The following PCDHGA7 variants were observed in gnomAD, a reference collection of about 807,000 sequenced individuals.
PCDHGA7 encodes the protein protocadherin gamma subfamily A, 7.
A neutral mutation model predicts 58.3 loss-of-function variants in PCDHGA7; 44 were observed. That is an observed-to-expected ratio of 0.75 (90% CI 0.59 to 0.97). The LOEUF is 0.97. Ranked by LOEUF, PCDHGA7 falls within the 50% of genes least tolerant of loss-of-function variation. The probability of loss-of-function intolerance (pLI) is 0.00; values close to 1 mark genes in which losing one functional copy is unlikely to be tolerated. For missense variants in PCDHGA7, 1,266 were observed against 1,188.7 expected (o/e 1.06, Z -0.96); for synonymous variants, 516 against 504.2 (o/e 1.02, Z -0.31).
At chr5:141,400,250 C>T (rs2093990136) in intron 1 of PCDHGA7, 1 of 1,614,066 alleles carries the variant, frequency 6.2e-7, no homozygotes, top group Non-Finnish European at 8.5e-7. Flanking sequence ...CTGGCCGTTG[C>T]CTTGCGCCTG....
chr5:141,501,335 C>CA (rs2099808433), intron 2 of PCDHGA7, among the ~76,000 whole-genome samples: 1 of 135,634 alleles, frequency 7.4e-6, no homozygotes, highest in Non-Finnish European at 1.6e-5. Context: ...ACACACACAC[C>CA]CCAAACTCAA....
At position 141,432,458 on chromosome 5, in the gene PCDHGA7, C is replaced by T. The variant is rs1368524835; in HGVS notation, c.2424+47135C>T. 1.9e-6 allele frequency: 3 copies of T among 1,614,136 alleles called. No individual in the cohort carries two copies. The highest frequency in any genetic ancestry group is 8.5e-7 in the Non-Finnish European group (1 of 1,180,066). ...TGCGCCCGAGATCCTGTACCCCGCC[C>T]TCCCCACGGACGGTTCCACTGGCGT... On this transcript the variant is annotated intron_variant, in intron 1 of 3. Transcript: ENST00000518325. This position sits in a 1 kb window ranked among gnomAD's most constrained non-coding sequence, Gnocchi z 6.0.
chr5:141,394,001 G>A (rs766773377), intron 1 of PCDHGA7: 4 of 1,613,340 alleles, frequency 2.5e-6, no homozygotes, highest in Admixed American at 1.7e-5. Context: ...AATTAGAAAA[G>A]TCAATAGGTA....
intron 1 of PCDHGA7, chr5:141,423,369 A>C: frequency 1.9e-6 from 3 of 1,614,104 alleles, no homozygotes; most frequent in Non-Finnish European, 2.5e-6. Flanking sequence ...TGCTGCTGGC[A>C]CTCAGGCTGT....
At position 141,477,910 on chromosome 5, in the gene PCDHGA7, G is replaced by C. The variant is rs766164142; in HGVS notation, c.2425-16897G>C. ...TGTCACGGGTGGTAGGCTGGGACGC[G>C]GATGCAGGGCACAATGCCTGGCTCT... On this transcript the variant is annotated intron_variant, in intron 1 of 3. Coordinates refer to ENST00000518325, the MANE Select transcript of PCDHGA7 (RefSeq NM_018920.4). This position sits in a 1 kb window ranked among gnomAD's most constrained non-coding sequence, Gnocchi z 4.9. 3 of 1,614,168 alleles carry C rather than the reference G, an allele frequency of 1.9e-6. No homozygotes were observed. Among genetic ancestry groups the C allele is most frequent in the Non-Finnish European group, 2.5e-6 (3 of 1,180,032 alleles).
intron 1 of PCDHGA7, among the ~76,000 whole-genome samples, chr5:141,429,416 T>A (rs527999196): frequency 6.6e-6 from 1 of 152,230 alleles, no homozygotes; most frequent in Admixed American, 6.5e-5. Flanking sequence ...GGTCTCATTA[T>A]GTTGCCCAGG....
intron 1 of PCDHGA7, chr5:141,395,121 T>G (rs773964445): frequency 1.2e-6 from 2 of 1,614,192 alleles, no homozygotes; most frequent in Admixed American, 3.3e-5. Context: ...TCACCTGATC[T>G]TTCCCCAGCC....
intron 1 of PCDHGA7, chr5:141,399,892 G>T: frequency 1.2e-6 from 2 of 1,612,554 alleles, no homozygotes; most frequent in Non-Finnish European, 1.7e-6. Flanking sequence ...CAAGGTAGTG[G>T]CCGTGGACGC....
At chr5:141,444,621 G>A (rs1265458898) in intron 1 of PCDHGA7, among the ~76,000 whole-genome samples, 1 of 152,132 alleles carries the variant, frequency 6.6e-6, no homozygotes, top group Non-Finnish European at 1.5e-5. Flanking sequence ...CATGTGGCAT[G>A]ATGCACCAGT....
intron 1 of PCDHGA7, chr5:141,389,407 A>C: frequency 6.2e-7 from 1 of 1,613,616 alleles, no homozygotes; most frequent in Non-Finnish European, 8.5e-7. Flanking sequence ...ATAAGCGCGG[A>C]GAGCGGGGTG....
intron 1 of PCDHGA7, among the ~76,000 whole-genome samples, chr5:141,454,796 A>AT (rs61612330): frequency 0.026 from 2,045 of 77,400 alleles, 387 homozygotes; most frequent in East Asian, 0.04. Flanking sequence ...CATGGTTCTA[A>AT]TTTTTTTTTT....
At chr5:141,501,319 A>G (rs2099807834) in intron 2 of PCDHGA7, among the ~76,000 whole-genome samples, 1 of 151,710 alleles carries the variant, frequency 6.6e-6, no homozygotes, top group Non-Finnish European at 1.5e-5. Context: ...ACACACACAC[A>G]CACACACACA....
chr5:141,465,257 T>C (rs968727090), intron 1 of PCDHGA7, among the ~76,000 whole-genome samples: 19 of 152,310 alleles, frequency 1.2e-4, no homozygotes, highest in Admixed American at 1.2e-3. Flanking sequence ...TTGTAAGCAA[T>C]GATACTAGCC....
chr5:141,422,494 T>G lies in PCDHGA7; in HGVS notation c.2424+37171T>G, dbSNP rs772798862. On this transcript the variant is annotated intron_variant, in intron 1 of 3. Transcript: ENST00000518325. ...GTTGGTCCAGAGCTACAATATAACG[T>G]TGACAGCCACAGACCAGGGAAGCCC... The G allele has an allele frequency of 3.5e-5, 56 of 1,613,848 alleles. No homozygotes were observed. Among genetic ancestry groups the G allele is most frequent in the Non-Finnish European group, 1.0e-5 (12 of 1,179,896 alleles).
intron 1 of PCDHGA7, chr5:141,389,352 A>G (rs758141313): frequency 7.4e-6 from 12 of 1,613,628 alleles, no homozygotes; most frequent in Admixed American, 1.7e-5. Flanking sequence ...TTACTGCATC[A>G]TGGCCAGTGA....
rs532675537 is a variant in PCDHGA7, at chr5:141,508,584, T to C, written c.2573-2363T>C. Among the ~76,000 whole-genome samples, 87 of 152,266 alleles carry C rather than the reference T, an allele frequency of 5.7e-4. 1 individual carries two copies. Among genetic ancestry groups the C allele is most frequent in the African/African-American group, 1.6e-3 (66 of 41,552 alleles). On this transcript the variant is annotated intron_variant, in intron 3 of 3. Coordinates refer to ENST00000518325, the MANE Select transcript of PCDHGA7 (RefSeq NM_018920.4). The stretch of plus-strand genomic sequence containing the variant: ...TGTCACTTGCACCCACTCGGGGTGC[T>C]ACTCAGAGATCTTGGGTGCACATAG...
chr5:141,419,878 G>T (rs1342215231), intron 1 of PCDHGA7: 1 of 1,613,942 alleles, frequency 6.2e-7, no homozygotes, highest in African/African-American at 1.3e-5. Context: ...AGGTACTGCC[G>T]GATTTCAGCG....
rs1389786201 is a variant in PCDHGA7, at chr5:141,486,949, G to A, written c.2425-7858G>A. 4 of 1,614,224 alleles carry A rather than the reference G, an allele frequency of 2.5e-6. No individual in the cohort carries two copies. Among genetic ancestry groups the A allele is most frequent in the African/African-American group, 2.7e-5 (2 of 75,064 alleles). ...TTGGTGCTGGCCACCTAATCACAAA[G>A]GTGACTGCTGTGGACTTGGATTCAG... On this transcript the variant is annotated intron_variant, in intron 1 of 3. Coordinates refer to ENST00000518325, the MANE Select transcript of PCDHGA7 (RefSeq NM_018920.4). The surrounding 1 kb of genome is among the most constrained non-coding windows in gnomAD (Gnocchi z 5.0).
Position 141,494,864 on chromosome 5 carries a change from G to T in PCDHGA7, c.2482G>T (p.Gly828Cys), listed in dbSNP as rs773899530. 12 of 1,613,950 alleles carry T rather than the reference G, an allele frequency of 7.4e-6. No individual in the cohort carries two copies. Among genetic ancestry groups the T allele is most frequent in the South Asian group, 1.1e-5 (1 of 91,080 alleles). ...TCAGGCCCAGAGACCCGGCACCAGC[G>T]GGTAGGTGACTGATTCTCCAGCCCA... Reference protein sequence around the residue: ...FSQAQRPGTSGSQNGDDTGTW... With the variant: ...FSQAQRPGTSCSQNGDDTGTW... Residue 828 changes from glycine to cysteine, a missense_variant and splice_region_variant, in exon 2 of 4, where the codon GGC becomes TGC. Physicochemically the swap from Gly to Cys is radical, Grantham distance 159 (BLOSUM62 -3). Coordinates refer to ENST00000518325, the MANE Select transcript of PCDHGA7 (RefSeq NM_018920.4).
Sources: allele counts gnomAD v4.1 joint callset (sites outside exome capture counted in the v4.1 genomes callset), GRCh38; gene constraint gnomAD v4.1.1; non-coding constraint Gnocchi (gnomAD v3.1); transcripts MANE v1.5; gene names NCBI Gene and HGNC (gene_info 2026-07-23, HGNC 2026-07-21).